APOO: variants seen among roughly 807,000 people sequenced by gnomAD.
APOO encodes the protein MICOS complex subunit MIC26.
In APOO, 11 loss-of-function variants were observed where a neutral mutation model predicts 23.1. The ratio of observed to expected loss-of-function variants is 0.48; its 90% CI spans 0.30 to 0.79. The LOEUF is 0.79. Ranked by LOEUF, APOO falls within the 30% of genes least tolerant of loss-of-function variation. APOO has a pLI of 0.07. For synonymous variants in APOO, 59 were observed against 54.8 expected, an observed-to-expected ratio of 1.08 and a Z score of -0.34; for missense variants, 160 against 142.7, an observed-to-expected ratio of 1.12 and a Z score of -0.62.
At chrX:23,890,261 C>T (rs1255116030) in intron 1 of APOO, among the ~76,000 whole-genome samples, 4 of 111,757 alleles carry the variant, frequency 3.6e-5, no homozygotes, top group South Asian at 3.7e-4. Context: ...AAATCTCTCC[C>T]GTCTTAAACA....
At chrX:23,899,000 T>C (rs1303217411) in intron 1 of APOO, among the ~76,000 whole-genome samples, 1 of 112,424 alleles carries the variant, frequency 8.9e-6, no homozygotes, top group Non-Finnish European at 1.9e-5. Context: ...TTTTCAGGAA[T>C]ATCTGAAAAA....
At chrX:23,878,155 C>T (rs946415014) in intron 3 of APOO, among the ~76,000 whole-genome samples, 2 of 111,946 alleles carry the variant, frequency 1.8e-5, no homozygotes, top group African/African-American at 6.5e-5. Context: ...TTAAGTGGCA[C>T]TGATTTGTAT....
intron 1 of APOO, among the ~76,000 whole-genome samples, chrX:23,893,376 C>T (rs746550581): frequency 2.1e-4 from 23 of 109,010 alleles, no homozygotes; most frequent in African/African-American, 7.6e-4. Context: ...AGTGAGCCGA[C>T]ATCACGCCAC....
intron 6 of APOO, among the ~76,000 whole-genome samples, chrX:23,858,422 T>C (rs1188400863): frequency 1.8e-5 from 2 of 112,154 alleles, no homozygotes; most frequent in South Asian, 3.7e-4. Context: ...ATCACGCAAA[T>C]TCGTGTTCAA....
At chrX:23,862,781 A>G (rs914605703) in intron 5 of APOO, among the ~76,000 whole-genome samples, 9 of 95,746 alleles carry the variant, frequency 9.4e-5, no homozygotes, top group Non-Finnish European at 1.7e-4. Flanking sequence ...CTCAGAAAGA[A>G]AAGAGAAGAG....
chrX:23,880,241 T>C (rs1342008528), intron 2 of APOO, among the ~76,000 whole-genome samples: 1 of 111,071 alleles, frequency 9.0e-6, no homozygotes, highest in African/African-American at 3.3e-5. Flanking sequence ...AAGTGAGTTG[T>C]GCTTATAACC....
intron 7 of APOO, chrX:23,840,592 T>C (rs912051468): frequency 3.4e-6 from 1 of 295,266 alleles, no homozygotes; most frequent in Non-Finnish European, 5.9e-6. Flanking sequence ...AATATTATTT[T>C]ACTGCAAAGT....
At chrX:23,859,663 G>A (rs977897260) in intron 5 of APOO, among the ~76,000 whole-genome samples, 11 of 110,968 alleles carry the variant, frequency 9.9e-5, no homozygotes, top group Non-Finnish European at 1.9e-4. Context: ...GGCTGGTCTC[G>A]AACTCCTGAC....
At chrX:23,861,697 C>T (rs970103552) in intron 5 of APOO, among the ~76,000 whole-genome samples, 7 of 109,223 alleles carry the variant, frequency 6.4e-5, no homozygotes, top group African/African-American at 2.3e-4. Context: ...GCCCTCCTCA[C>T]ACTGGCCCTG....
chrX:23,852,649 T>C (rs766592406), intron 7 of APOO, among the ~76,000 whole-genome samples: 3 of 109,551 alleles, frequency 2.7e-5, no homozygotes, highest in Middle Eastern at 4.7e-3. Flanking sequence ...TGATACTTAA[T>C]TGAGACTGGT....
intron 6 of APOO, 142 bp from the exon 7 acceptor site, chrX:23,856,524 G>T: frequency 4.9e-6 from 2 of 408,673 alleles, no homozygotes; most frequent in Non-Finnish European, 3.9e-6. Flanking sequence ...AGCAAAACAT[G>T]GAATCAACCT....
In APOO at chrX:23,862,840, G is replaced by A. The variant is rs183139653; in HGVS notation, c.389-4107C>T. Among the ~76,000 whole-genome samples the A allele has an allele frequency of 2.2e-3, 174 of 80,841 alleles. 4 individuals carry two copies. The highest frequency in any genetic ancestry group is 0.019 in the Admixed American group (131 of 6,875). 70.2% of individuals were successfully genotyped at this position (80,841 alleles called of 115,157 possible). ...GAGAAGGGAAGGAAGAAGGAGGGAAGGGAAGGGAGAAGGAGGGAGGGGAGG... is the reference window on the plus strand; with the variant it reads ...GAGAAGGGAAGGAAGAAGGAGGGAAAGGAAGGGAGAAGGAGGGAGGGGAGG... On this transcript the variant is annotated intron_variant, in intron 5 of 8. Coordinates refer to ENST00000379226, the MANE Select transcript of APOO (RefSeq NM_024122.5).
At chrX:23,877,753 G>A (rs1173147806) in intron 3 of APOO, among the ~76,000 whole-genome samples, 2 of 102,960 alleles carry the variant, frequency 1.9e-5, no homozygotes, top group Admixed American at 1.1e-4. Context: ...CAGCCTGGGC[G>A]ACAGAGCAAG....
At chrX:23,892,763 G>A (rs1314740196) in intron 1 of APOO, among the ~76,000 whole-genome samples, 3 of 100,035 alleles carry the variant, frequency 3.0e-5, no homozygotes, top group African/African-American at 7.3e-5. Context: ...GCGGGACTCC[G>A]TCACAAAAAA....
intron 1 of APOO, among the ~76,000 whole-genome samples, chrX:23,887,229 C>CTTTTTT (rs765596270): frequency 6.6e-4 from 36 of 54,219 alleles, no homozygotes; most frequent in South Asian, 1.9e-3. Flanking sequence ...TTCTTTTTCC[C>CTTTTTT]TTTTTTTTTT....
At chrX:23,853,612 T>G (rs994898076) in intron 7 of APOO, among the ~76,000 whole-genome samples, 1 of 94,980 alleles carries the variant, frequency 1.1e-5, no homozygotes, top group African/African-American at 5.3e-5. Context: ...CCGACCGTTT[T>G]TTTTTTTTGT....
chrX:23,843,933 A>G (rs1024142750), intron 7 of APOO, among the ~76,000 whole-genome samples: 6 of 112,180 alleles, frequency 5.3e-5, no homozygotes, highest in Non-Finnish European at 1.1e-4. Flanking sequence ...GAAAATCAAG[A>G]CACTGATTTC....
intron 1 of APOO, among the ~76,000 whole-genome samples, chrX:23,896,051 C>G (rs946687406): frequency 9.1e-6 from 1 of 110,456 alleles, no homozygotes; most frequent in African/African-American, 3.3e-5. Flanking sequence ...GGGCAGACCA[C>G]GAGGTCAGTG....
intron 5 of APOO, among the ~76,000 whole-genome samples, chrX:23,866,708 G>A: frequency 9.0e-6 from 1 of 110,899 alleles, no homozygotes; most frequent in Admixed American, 9.7e-5. Context: ...AGGATCACTT[G>A]AGCCCAGGAG....
Sources: allele counts gnomAD v4.1 joint callset (sites outside exome capture counted in the v4.1 genomes callset), GRCh38; gene constraint gnomAD v4.1.1; transcripts MANE v1.5; gene names NCBI Gene and HGNC (gene_info 2026-07-23, HGNC 2026-07-21).